The following FTO variants were observed in gnomAD, a reference collection of about 807,000 sequenced individuals.
FTO encodes FTO alpha-ketoglutarate dependent dioxygenase.
In FTO, 47 loss-of-function variants were observed where a neutral mutation model predicts 63.9. The ratio of observed to expected loss-of-function variants is 0.74; its 90% confidence interval spans 0.58 to 0.94. The LOEUF (loss-of-function observed/expected upper bound fraction) is 0.94. Ranked by LOEUF, FTO falls within the 40% of genes least tolerant of loss-of-function variation. FTO has a pLI of 0.00. For synonymous variants in FTO, 207 were observed against 224.4 expected, an observed-to-expected ratio of 0.92 and a Z score of 0.69; for missense variants, 562 against 618.1, an observed-to-expected ratio of 0.91 and a Z score of 0.96.
At chr16:54,059,971 T>C (rs1416401903) in intron 8 of FTO, among the ~76,000 whole-genome samples, 1 of 152,210 alleles carries the variant, frequency 6.6e-6, no homozygotes, top group East Asian at 1.9e-4. Context: ...AAAAAATACG[T>C]CCCTTCCATT....
chr16:53,862,948 T>G (rs184350912), intron 4 of FTO, among the ~76,000 whole-genome samples: 4 of 152,348 alleles, frequency 2.6e-5, no homozygotes, highest in Non-Finnish European at 5.9e-5. Flanking sequence ...GTATTTTCCC[T>G]GAGTTATAGG....
intron 4 of FTO, among the ~76,000 whole-genome samples, chr16:53,862,142 G>C (rs1306879123): frequency 2.0e-5 from 3 of 152,180 alleles, no homozygotes; most frequent in Non-Finnish European, 2.9e-5. Flanking sequence ...CAGCTACTCA[G>C]GAGGCTGAGG....
chr16:54,070,397 G>A (rs536637547), intron 8 of FTO: 1 of 152,218 alleles, frequency 6.6e-6, no homozygotes, highest in Non-Finnish European at 1.5e-5. Flanking sequence ...TGTATCAGGA[G>A]AAAACCTTAG....
chr16:53,906,122 G>C (rs1293241569), intron 7 of FTO, among the ~76,000 whole-genome samples: 2 of 152,152 alleles, frequency 1.3e-5, no homozygotes, highest in Non-Finnish European at 2.9e-5. Context: ...AGGCATCGGG[G>C]TTCAGTAGCC....
At chr16:53,796,197 A>G (rs2078066752) in intron 1 of FTO, among the ~76,000 whole-genome samples, 1 of 151,874 alleles carries the variant, frequency 6.6e-6, no homozygotes, top group Admixed American at 6.6e-5. Flanking sequence ...GACATGTGCC[A>G]CCATGCCCAG....
At chr16:53,806,646 T>C (rs546089719) in intron 1 of FTO, among the ~76,000 whole-genome samples, 1 of 152,362 alleles carries the variant, frequency 6.6e-6, no homozygotes, top group Admixed American at 6.5e-5. Flanking sequence ...GTTTCTAATC[T>C]TATTGTTTTA....
chr16:53,786,894 G>C (rs2077754895), intron 1 of FTO, among the ~76,000 whole-genome samples: 1 of 151,778 alleles, frequency 6.6e-6, no homozygotes, highest in Non-Finnish European at 1.5e-5. Context: ...GGCAGATCAT[G>C]AGGTCAATAG....
chr16:53,774,491 A>G (rs1445547821), intron 1 of FTO, among the ~76,000 whole-genome samples: 2 of 152,084 alleles, frequency 1.3e-5, no homozygotes, highest in Non-Finnish European at 2.9e-5. Context: ...CTATTTTCAT[A>G]TACTGTGGCC....
Position 54,101,898 on chromosome 16 carries a change from A to G in FTO, c.1365-9864A>G, listed in dbSNP as rs146151709. Among the ~76,000 whole-genome samples, 137 of 152,152 alleles carry G rather than the reference A, an allele frequency of 9.0e-4. 1 individual carries two copies. The highest frequency in any genetic ancestry group is 3.2e-3 in the African/African-American group (132 of 41,512). On this transcript the variant is annotated intron_variant, in intron 8 of 8. Transcript: ENST00000471389. ...ATATCTCATTGTGGTTTTGATTTGC[A>G]TTTCTCTAATAATCAGGGCTATTGA...
intron 8 of FTO, among the ~76,000 whole-genome samples, chr16:53,971,760 C>A (rs949089740): frequency 6.6e-6 from 1 of 152,174 alleles, no homozygotes; most frequent in African/African-American, 2.4e-5. Context: ...AAGCAGGATC[C>A]CCTTCCCGAA....
At chr16:54,054,693 A>G (rs2085389655) in intron 8 of FTO, 1 of 152,202 alleles carries the variant, frequency 6.6e-6, no homozygotes, top group African/African-American at 2.4e-5. Flanking sequence ...GTTGCTTAGC[A>G]ACGGTGCCTG....
At chr16:53,781,410 A>T (rs1297410447) in intron 1 of FTO, among the ~76,000 whole-genome samples, 2 of 152,246 alleles carry the variant, frequency 1.3e-5, no homozygotes, top group East Asian at 3.8e-4. Flanking sequence ...TTGTGTGAAC[A>T]TGAAAGGTCA....
At chr16:53,806,958 A>G (rs559425468) in intron 1 of FTO, among the ~76,000 whole-genome samples, 10 of 152,210 alleles carry the variant, frequency 6.6e-5, no homozygotes, top group Non-Finnish European at 1.2e-4. Flanking sequence ...AGTCTTGCCC[A>G]TAGTGACCTC....
In FTO at chr16:53,886,264, T is replaced by G. The variant is rs554842266; in HGVS notation, c.1120-2568T>G. On this transcript the variant is annotated intron_variant, in intron 6 of 8. Coordinates refer to ENST00000471389, the MANE Select transcript of FTO (RefSeq NM_001080432.3). ...GATAAACTAATTACATATGATAATCTATTTCCAGAGTCACCATGGTTGGCG... is the reference window on the plus strand; with the variant it reads ...GATAAACTAATTACATATGATAATCGATTTCCAGAGTCACCATGGTTGGCG... 7.9e-5 allele frequency among the ~76,000 whole-genome samples: 12 copies of G among 152,320 alleles called. 1 individual carries two copies. In the East Asian group the frequency reaches 2.1e-3, roughly 27 times the overall value.
intron 8 of FTO, among the ~76,000 whole-genome samples, chr16:54,077,066 A>G (rs2086014411): frequency 6.6e-6 from 1 of 152,220 alleles, no homozygotes; most frequent in Non-Finnish European, 1.5e-5. Context: ...AATCATCATT[A>G]TATATAAAGG....
intron 7 of FTO, among the ~76,000 whole-genome samples, chr16:53,894,353 G>A (rs896133265): frequency 6.6e-6 from 1 of 152,114 alleles, no homozygotes; most frequent in African/African-American, 2.4e-5. Context: ...TGACTGAGCC[G>A]AGCAGTAGTT....
At chr16:53,725,593 A>G (rs1194146988) in intron 1 of FTO, among the ~76,000 whole-genome samples, 5 of 152,222 alleles carry the variant, frequency 3.3e-5, no homozygotes, top group African/African-American at 1.2e-4. Context: ...CTGCAGATAT[A>G]TATTAGAAAC....
At chr16:54,021,630 C>T (rs750147056) in intron 8 of FTO, among the ~76,000 whole-genome samples, 1 of 152,146 alleles carries the variant, frequency 6.6e-6, no homozygotes, top group Non-Finnish European at 1.5e-5. Context: ...GCTGGGACTA[C>T]AGGAGCACAC....
intron 8 of FTO, among the ~76,000 whole-genome samples, chr16:53,940,598 C>A (rs920394870): frequency 1.3e-5 from 2 of 152,132 alleles, no homozygotes; most frequent in African/African-American, 4.8e-5. Flanking sequence ...ACCTTTATAG[C>A]TCTTTAGCTT....
Sources: allele counts gnomAD v4.1 joint callset (sites outside exome capture counted in the v4.1 genomes callset), GRCh38; gene constraint gnomAD v4.1.1; transcripts MANE v1.5; gene names NCBI Gene and HGNC (gene_info 2026-07-23, HGNC 2026-07-21).